Variants in DOK6 observed in about 807,000 individuals in gnomAD.
DOK6 encodes docking protein 6, also known as downstream of tyrosine kinase 6.
In DOK6, 22 loss-of-function variants were observed where a neutral mutation model predicts 44.0. The observed-to-expected ratio is 0.50, with a 90% confidence interval of 0.36 to 0.71. The LOEUF (loss-of-function observed/expected upper bound fraction) is 0.71. Ranked by LOEUF, DOK6 falls within the 30% of genes least tolerant of loss-of-function variation. The pLI, the probability that DOK6 is intolerant of heterozygous loss-of-function variation, is 0.00. For synonymous variants in DOK6, 166 were observed against 145.5 expected, an observed-to-expected ratio of 1.14 and a Z score of -1.01; for missense variants, 340 against 416.4, an observed-to-expected ratio of 0.82 and a Z score of 1.60.
chr18:69,612,839 A>AT (rs1352702170), intron 3 of DOK6, among the ~76,000 whole-genome samples: 12 of 151,658 alleles, frequency 7.9e-5, no homozygotes, highest in African/African-American at 2.9e-4. Flanking sequence ...ATATATTTAT[A>AT]TTTTTTGGAT....
At chr18:69,416,588 T>A (rs1213144542) in intron 1 of DOK6, among the ~76,000 whole-genome samples, 2 of 152,162 alleles carry the variant, frequency 1.3e-5, no homozygotes, top group African/African-American at 4.8e-5. Context: ...TAATAATTTA[T>A]AGACCCCAGT....
intron 2 of DOK6, among the ~76,000 whole-genome samples, chr18:69,569,377 C>T (rs1983061374): frequency 6.6e-6 from 1 of 152,224 alleles, no homozygotes; most frequent in Non-Finnish European, 1.5e-5. Context: ...ACAGGTGTAG[C>T]ATTTGGCAAT....
intron 5 of DOK6, among the ~76,000 whole-genome samples, chr18:69,713,448 G>C (rs1401936850): frequency 6.6e-6 from 1 of 152,158 alleles, no homozygotes; most frequent in Non-Finnish European, 1.5e-5. Flanking sequence ...GTGTATTCCA[G>C]AGGTTCCTAA....
At chr18:69,548,427 T>C (rs1246313521) in intron 1 of DOK6, among the ~76,000 whole-genome samples, 3 of 151,626 alleles carry the variant, frequency 2.0e-5, no homozygotes, top group Admixed American at 6.6e-5. Flanking sequence ...TTTTGGGCTT[T>C]ACATTATCAG....
At chr18:69,593,044 T>G (rs1407993126) in intron 2 of DOK6, among the ~76,000 whole-genome samples, 1 of 152,100 alleles carries the variant, frequency 6.6e-6, no homozygotes, top group Non-Finnish European at 1.5e-5. Flanking sequence ...TAAATTTTCA[T>G]GGTTAAAATT....
At chr18:69,490,445 AATT>A (rs1980703994) in intron 1 of DOK6, among the ~76,000 whole-genome samples, 1 of 152,206 alleles carries the variant, frequency 6.6e-6, no homozygotes, top group Non-Finnish European at 1.5e-5. Context: ...TGAAGATAAT[AATT>A]ATGAAAAAAT....
intron 1 of DOK6, among the ~76,000 whole-genome samples, chr18:69,428,270 G>A (rs1468494207): frequency 6.6e-6 from 1 of 151,900 alleles, no homozygotes; most frequent in Non-Finnish European, 1.5e-5. Context: ...TTTGTTTTGT[G>A]CCCACACAAT....
intron 6 of DOK6, among the ~76,000 whole-genome samples, chr18:69,745,896 T>C (rs990633849): frequency 6.6e-6 from 1 of 152,252 alleles, no homozygotes; most frequent in Non-Finnish European, 1.5e-5. Context: ...ATCCCAGCTT[T>C]CATTACGTGC....
At chr18:69,826,952 G>C in intron 7 of DOK6, among the ~76,000 whole-genome samples, 1 of 152,120 alleles carries the variant, frequency 6.6e-6, no homozygotes, top group Non-Finnish European at 1.5e-5. Context: ...GCAGAAAATG[G>C]GGAATTGTTA....
intron 3 of DOK6, among the ~76,000 whole-genome samples, chr18:69,623,504 A>G (rs1186460346): frequency 6.6e-6 from 1 of 152,210 alleles, no homozygotes; most frequent in African/African-American, 2.4e-5. Flanking sequence ...TATTGTCTGG[A>G]TGAAACTGGC....
At chr18:69,697,476 G>T (rs1274346155) in intron 4 of DOK6, among the ~76,000 whole-genome samples, 1 of 152,082 alleles carries the variant, frequency 6.6e-6, no homozygotes, top group Non-Finnish European at 1.5e-5. Context: ...TGGCATAGAT[G>T]TATTTTATTC....
intron 7 of DOK6, among the ~76,000 whole-genome samples, chr18:69,773,539 C>G (rs1979950920): frequency 6.6e-6 from 1 of 151,922 alleles, no homozygotes; most frequent in Non-Finnish European, 1.5e-5. Context: ...TATGCTACAT[C>G]ATGGATGAGC....
intron 5 of DOK6, among the ~76,000 whole-genome samples, chr18:69,709,470 T>C (rs1986709615): frequency 6.6e-6 from 1 of 152,178 alleles, no homozygotes; most frequent in Non-Finnish European, 1.5e-5. Flanking sequence ...GTTGGGAAAA[T>C]GTTAAAACTC....
intron 7 of DOK6, among the ~76,000 whole-genome samples, chr18:69,799,798 C>T (rs992247158): frequency 2.6e-5 from 4 of 151,928 alleles, no homozygotes; most frequent in East Asian, 3.9e-4. Context: ...CCTCAGTGAC[C>T]GAGGCATTTT....
At chr18:69,547,916 C>CTATATATAATATATAATA in intron 1 of DOK6, among the ~76,000 whole-genome samples, 1 of 144,554 alleles carries the variant, frequency 6.9e-6, no homozygotes, top group Non-Finnish European at 1.5e-5. Context: ...TCCATTGTAT[C>CTATATATAATATATAATA]TATATATAAT....
intron 3 of DOK6, among the ~76,000 whole-genome samples, chr18:69,618,271 A>G (rs1293357083): frequency 6.6e-6 from 1 of 152,214 alleles, no homozygotes; most frequent in East Asian, 1.9e-4. Flanking sequence ...GGAAACTAAT[A>G]TAGAGCTCTT....
chr18:69,796,321 A>G (rs12185294), intron 7 of DOK6, among the ~76,000 whole-genome samples: 27,677 of 152,096 alleles, frequency 0.18, 2,656 homozygotes, highest in East Asian at 0.28. Flanking sequence ...CTGTTACCAA[A>G]GGTCTGTCTG....
In DOK6 at chr18:69,680,555, G is replaced by T. The variant is rs556981596; in HGVS notation, c.409+2702G>T. ...GGAATAAACATTGAGGCAATATCAAGATTTCAGACTCTATTCTTGCTAGCT... is the reference window on the plus strand; with the variant it reads ...GGAATAAACATTGAGGCAATATCAATATTTCAGACTCTATTCTTGCTAGCT... On this transcript the variant is annotated intron_variant, in intron 4 of 7. Coordinates refer to ENST00000382713, the MANE Select transcript of DOK6 (RefSeq NM_152721.6). Among the ~76,000 whole-genome samples the T allele has an allele frequency of 2.1e-4, 32 of 152,240 alleles. No homozygotes were observed. In the South Asian group the frequency reaches 4.6e-3, roughly 22 times the overall value.
chr18:69,743,804 G>A (rs1230542872), intron 6 of DOK6, among the ~76,000 whole-genome samples: 2 of 134,240 alleles, frequency 1.5e-5, no homozygotes, highest in Non-Finnish European at 3.1e-5. Flanking sequence ...CTCACAAAAT[G>A]AGAATTTCAG....
Sources: allele counts gnomAD v4.1 joint callset (sites outside exome capture counted in the v4.1 genomes callset), GRCh38; gene constraint gnomAD v4.1.1; transcripts MANE v1.5; gene names NCBI Gene and HGNC (gene_info 2026-07-23, HGNC 2026-07-21).